The following BDP1 variants were observed in gnomAD, a reference collection of about 807,000 sequenced individuals.
The protein encoded by BDP1 is transcription factor TFIIIB component B'' homolog.
In BDP1, 169 loss-of-function variants were observed where a neutral mutation model predicts 266.6. That is an observed-to-expected ratio of 0.63 (90% CI 0.56 to 0.72). The LOEUF (loss-of-function observed/expected upper bound fraction) is 0.72. BDP1 is among the 30% of genes least tolerant of loss of function. The probability of loss-of-function intolerance (pLI) is 0.00; values close to 1 mark genes in which losing one functional copy is unlikely to be tolerated. For missense variants in BDP1, 3,015 were observed against 3,053.8 expected (o/e 0.99, Z 0.30); for synonymous variants, 1,090 against 1,022.4 (o/e 1.07, Z -1.26).
intron 13 of BDP1, among the ~76,000 whole-genome samples, chr5:71,498,087 A>C (rs1764001825): frequency 6.6e-6 from 1 of 151,490 alleles, no homozygotes; most frequent in African/African-American, 2.4e-5. Flanking sequence ...AGTAGCTGGG[A>C]CTGCAGGTGC....
At chr5:71,571,708 A>G (rs1744269260), downstream of BDP1, among the ~76,000 whole-genome samples, 1 of 151,930 alleles carries the variant, frequency 6.6e-6, no homozygotes, top group African/African-American at 2.4e-5. Context: ...ATCTCAACTC[A>G]CTCCAACCTC....
rs531961810 is a variant in BDP1, at chr5:71,464,914, T to G, written c.659+797T>G. On this transcript the variant is annotated intron_variant, in intron 4 of 38. Transcript: ENST00000358731. The stretch of plus-strand genomic sequence containing the variant: ...TTGTATTTTTAGTAGAGACGGGGTT[T>G]TACCACGTTGGTCAGGATGGTCTCC... 9.4e-4 allele frequency among the ~76,000 whole-genome samples: 143 copies of G among 151,958 alleles called. 1 individual carries two copies. Among genetic ancestry groups the G allele is most frequent in the African/African-American group, 2.8e-3 (118 of 41,472 alleles).
intron 7 of BDP1, among the ~76,000 whole-genome samples, chr5:71,480,191 A>C (rs1425540286): frequency 6.8e-6 from 1 of 146,230 alleles, no homozygotes; most frequent in Non-Finnish European, 1.5e-5. Context: ...ACTCACTGCA[A>C]CCTCTGTCTC....
At chr5:71,548,158 G>T (rs915019361) in intron 32 of BDP1, among the ~76,000 whole-genome samples, 1 of 151,882 alleles carries the variant, frequency 6.6e-6, no homozygotes, top group Non-Finnish European at 1.5e-5. Context: ...GTGTGGTGGC[G>T]TGCATCTGTA....
chr5:71,552,710 C>G (rs1179754399), intron 34 of BDP1, among the ~76,000 whole-genome samples: 1 of 152,234 alleles, frequency 6.6e-6, no homozygotes, highest in Non-Finnish European at 1.5e-5. Context: ...ATCGCAGGCA[C>G]TCGGCAGGCT....
intron 7 of BDP1, among the ~76,000 whole-genome samples, chr5:71,478,951 C>T (rs1762764925): frequency 6.6e-6 from 1 of 152,034 alleles, no homozygotes; most frequent in African/African-American, 2.4e-5. Context: ...TGTCTTTTGT[C>T]TTCAATCTGC....
At chr5:71,462,858 C>T (rs560468704) in intron 3 of BDP1, among the ~76,000 whole-genome samples, 4 of 152,222 alleles carry the variant, frequency 2.6e-5, no homozygotes, top group South Asian at 4.1e-4. Flanking sequence ...TTTGGCCAGG[C>T]GAGGTGGCTC....
chr5:71,571,266 TC>T (rs1257820307), downstream of BDP1, among the ~76,000 whole-genome samples: 4 of 152,186 alleles, frequency 2.6e-5, no homozygotes, highest in Non-Finnish European at 5.9e-5. Flanking sequence ...CGCCTTTGCC[TC>T]CCAAGTAGCT....
chr5:71,577,514 T>C, the BDP1 span, among the ~76,000 whole-genome samples: 1 of 152,254 alleles, frequency 6.6e-6, no homozygotes, highest in Non-Finnish European at 1.5e-5. Flanking sequence ...GTAATTGTGT[T>C]GTCATTTTAA....
chr5:71,474,658 G>T (rs1231685931), intron 7 of BDP1, among the ~76,000 whole-genome samples: 2 of 151,726 alleles, frequency 1.3e-5, no homozygotes, highest in Non-Finnish European at 2.9e-5. Flanking sequence ...GACCAGCCTG[G>T]CCAACATGAT....
rs1337366395 is a variant in BDP1, at chr5:71,564,936, T to C, written c.*51T>C. ...TAAATTAGGTCTAGGATTTCCAGAG[T>C]CAATTACATCAACAAAACAGTATTT... On this transcript the variant is annotated 3_prime_UTR_variant, in exon 39 of 39. Coordinates refer to ENST00000358731, the MANE Select transcript of BDP1 (RefSeq NM_018429.3). 6.7e-7 allele frequency: 1 copy of C among 1,495,262 alleles called. No individual in the cohort carries two copies. The highest frequency in any genetic ancestry group is 1.3e-5 in the South Asian group (1 of 77,998). 92.6% of individuals were successfully genotyped at this position (1,495,262 alleles called of 1,614,324 possible). A position where few individuals can be genotyped will look rare whatever the true frequency, so the allele number is the denominator to read the frequency against.
chr5:71,571,507 A>G (rs1026130886), downstream of BDP1, among the ~76,000 whole-genome samples: 1 of 151,748 alleles, frequency 6.6e-6, no homozygotes, highest in South Asian at 2.1e-4. Context: ...CAACATCCTC[A>G]TTTTCCTGAG....
chr5:71,526,165 ACG>A (rs1765856114), intron 25 of BDP1, among the ~76,000 whole-genome samples: 2 of 152,000 alleles, frequency 1.3e-5, no homozygotes, highest in Non-Finnish European at 2.9e-5. Context: ...CACTGAGTGA[ACG>A]CAACTCCGTC....
chr5:71,489,260 T>C, intron 9 of BDP1, 144 bp from the exon 10 acceptor site: 1 of 544,324 alleles, frequency 1.8e-6, no homozygotes, highest in East Asian at 3.1e-5. Context: ...ATTTAGTCAT[T>C]TCCCATTAGA....
intron 9 of BDP1, among the ~76,000 whole-genome samples, chr5:71,487,732 C>T (rs943334942): frequency 6.6e-6 from 1 of 152,222 alleles, no homozygotes; most frequent in African/African-American, 2.4e-5. Context: ...TCAGCATCCT[C>T]TGCCTGGAAC....
intron 26 of BDP1, among the ~76,000 whole-genome samples, chr5:71,536,944 T>C (rs1394166757): frequency 6.6e-6 from 1 of 151,904 alleles, no homozygotes; most frequent in Non-Finnish European, 1.5e-5. Context: ...CTGGCCAACA[T>C]GGTGAAACCC....
At chr5:71,516,936 C>T (rs1164641217) in intron 21 of BDP1, among the ~76,000 whole-genome samples, 1 of 151,916 alleles carries the variant, frequency 6.6e-6, no homozygotes. Context: ...AATTTCATAG[C>T]AGGTGACTAT....
intron 6 of BDP1, among the ~76,000 whole-genome samples, chr5:71,469,779 C>T (rs1372392121): frequency 2.0e-5 from 3 of 148,708 alleles, no homozygotes; most frequent in Admixed American, 1.3e-4. Context: ...ACGCCCAGCT[C>T]ATTTTTTTTT....
At chr5:71,527,298 C>T (rs1205757667) in intron 25 of BDP1, among the ~76,000 whole-genome samples, 4 of 152,082 alleles carry the variant, frequency 2.6e-5, no homozygotes, top group Non-Finnish European at 5.9e-5. Context: ...ATACAAACAC[C>T]CAACACCTGT....
Sources: gnomAD v4.1 joint callset for allele counts (sites outside exome capture counted in the v4.1 genomes callset) on GRCh38, gnomAD v4.1.1 for gene constraint, MANE v1.5 for transcripts, NCBI Gene and HGNC (gene_info 2026-07-23, HGNC 2026-07-21) for gene names.